ZNF599: variants seen among roughly 807,000 people sequenced by gnomAD.
ZNF599 encodes zinc finger protein 599.
A neutral mutation model predicts 11.7 loss-of-function variants in ZNF599; 10 were observed. The observed-to-expected ratio is 0.86, with a 90% CI of 0.53 to 1.45. The LOEUF is 1.45. ZNF599 is among the 40% of genes most tolerant of loss of function. The pLI is 0.00. For missense variants in ZNF599, 688 were observed against 713.6 expected, an observed-to-expected ratio of 0.96 and a Z score of 0.41; for synonymous variants, 232 against 253.2, an observed-to-expected ratio of 0.92 and a Z score of 0.79.
At chr19:34,804,801 A>C in the ZNF599 span, among the ~76,000 whole-genome samples, 5 of 152,356 alleles carry the variant, frequency 3.3e-5, no homozygotes, top group South Asian at 1.0e-3. Context: ...AAGAAAAAGC[A>C]GATAAGCTCC....
the ZNF599 span, chr19:34,779,913 G>A: frequency 6.3e-6 from 1 of 158,720 alleles, no homozygotes. Context: ...GCTGCACATG[G>A]TATGCTCTTC....
chr19:34,772,903 C>G lies in ZNF599; in HGVS notation c.-62G>C. The G allele has an allele frequency of 7.1e-7, 1 of 1,402,546 alleles. No homozygotes were observed. The highest frequency in any genetic ancestry group is 9.2e-7 in the Non-Finnish European group (1 of 1,084,088). 86.9% of individuals were successfully genotyped at this position (1,402,546 alleles called of 1,614,324 possible). ...GAGGAAGCCGGTCCTGCGGGCTCGG[C>G]CGACCCCGGGCTCCGGCTCTGGGCT... On this transcript the variant is annotated 5_prime_UTR_variant, in exon 1 of 4. Transcript: ENST00000329285.
At chr19:34,776,385 G>A (rs1223642956), upstream of ZNF599, among the ~76,000 whole-genome samples, 2 of 152,120 alleles carry the variant, frequency 1.3e-5, no homozygotes, top group Non-Finnish European at 2.9e-5. Context: ...TTAAGTTAAT[G>A]GGTTTGATTA....
the ZNF599 span, among the ~76,000 whole-genome samples, chr19:34,791,387 T>G: frequency 6.6e-6 from 1 of 152,244 alleles, no homozygotes; most frequent in Non-Finnish European, 1.5e-5. Flanking sequence ...AACTGTGTGG[T>G]GCAGAGCTCC....
the ZNF599 span, among the ~76,000 whole-genome samples, chr19:34,780,551 G>T: frequency 6.7e-6 from 1 of 149,176 alleles, no homozygotes; most frequent in Admixed American, 6.8e-5. Flanking sequence ...AAGGAAGGAA[G>T]GAGAGAGACA....
chr19:34,778,394 A>C, the ZNF599 span, among the ~76,000 whole-genome samples: 1 of 152,024 alleles, frequency 6.6e-6, no homozygotes, highest in African/African-American at 2.4e-5. Flanking sequence ...AAAGATCAAA[A>C]TGGAAATCGA....
chr19:34,773,773 A>G (rs2069201993), upstream of ZNF599, among the ~76,000 whole-genome samples: 1 of 151,758 alleles, frequency 6.6e-6, no homozygotes, highest in Non-Finnish European at 1.5e-5. Flanking sequence ...TGAGAACCAG[A>G]CTCTTTAAAT....
chr19:34,761,501 T>A (rs1005203017), intron 3 of ZNF599, among the ~76,000 whole-genome samples: 17 of 152,126 alleles, frequency 1.1e-4, no homozygotes, highest in African/African-American at 4.1e-4. Flanking sequence ...CTCTGAAGAA[T>A]AAAGCAGGGG....
intron 1 of ZNF599, among the ~76,000 whole-genome samples, chr19:34,771,204 T>C (rs977784799): frequency 8.5e-5 from 13 of 152,126 alleles, no homozygotes; most frequent in Non-Finnish European, 1.6e-4. Flanking sequence ...TGAGCTGCGA[T>C]GGGGCCACTG....
At chr19:34,768,888 G>A (rs1435721189) in intron 2 of ZNF599, among the ~76,000 whole-genome samples, 9 of 152,204 alleles carry the variant, frequency 5.9e-5, no homozygotes, top group African/African-American at 1.9e-4. Context: ...GAATGTGTCT[G>A]TGCTCCCTTT....
chr19:34,772,844 GC>G lies in ZNF599; in HGVS notation c.-4del. The G allele has an allele frequency of 1.3e-6, 2 of 1,511,210 alleles. No individual in the cohort carries two copies. Among genetic ancestry groups the G allele is most frequent in the Non-Finnish European group, 1.8e-6 (2 of 1,133,784 alleles). The allele number at this position is 1,511,210 out of a possible 1,614,324, so 93.6% of individuals were successfully genotyped here. A position where few individuals can be genotyped will look rare whatever the true frequency, so the allele number is the denominator to read the frequency against. On this transcript the variant is annotated 5_prime_UTR_variant, in exon 1 of 4. Transcript: ENST00000329285. ...CTCACCAACGCCGGCGCCGCCATGG[GC>G]CCAGGGGGCTGGGTGAGGCCGTGAG...
At chr19:34,781,263 GAA>G in the ZNF599 span, among the ~76,000 whole-genome samples, 3 of 151,698 alleles carry the variant, frequency 2.0e-5, no homozygotes, top group Non-Finnish European at 4.4e-5. Flanking sequence ...AAGAAACAAA[GAA>G]AGAGAGAAGA....
upstream of ZNF599, among the ~76,000 whole-genome samples, chr19:34,777,989 G>A (rs961778716): frequency 2.0e-5 from 3 of 152,060 alleles, no homozygotes; most frequent in Non-Finnish European, 4.4e-5. Flanking sequence ...AGTAAAAGGG[G>A]GGGAGGGGAG....
chr19:34,800,875 G>A, the ZNF599 span, among the ~76,000 whole-genome samples: 17 of 152,238 alleles, frequency 1.1e-4, no homozygotes, highest in African/African-American at 3.6e-4. Context: ...GATTACAGGC[G>A]TGAGACACCA....
upstream of ZNF599, among the ~76,000 whole-genome samples, chr19:34,774,693 G>A (rs182755693): frequency 1.6e-3 from 242 of 152,282 alleles, no homozygotes; most frequent in African/African-American, 5.5e-3. Context: ...TTAGTCATCA[G>A]ATTTCCATTC....
chr19:34,794,288 T>A, the ZNF599 span, among the ~76,000 whole-genome samples: 1 of 152,144 alleles, frequency 6.6e-6, no homozygotes, highest in Non-Finnish European at 1.5e-5. Context: ...CAAACCATAT[T>A]ACTGTATAAG....
At chr19:34,786,059 G>A in the ZNF599 span, among the ~76,000 whole-genome samples, 299 of 152,170 alleles carry the variant, frequency 2.0e-3, 1 homozygote, top group African/African-American at 6.7e-3. Flanking sequence ...TAATGCAAAG[G>A]GGTGGAGGTA....
chr19:34,787,434 T>A, the ZNF599 span, among the ~76,000 whole-genome samples: 1 of 152,210 alleles, frequency 6.6e-6, no homozygotes, highest in African/African-American at 2.4e-5. Context: ...ATAACACTAT[T>A]TGGCTCCTTT....
At chr19:34,801,082 T>C in the ZNF599 span, among the ~76,000 whole-genome samples, 3 of 152,232 alleles carry the variant, frequency 2.0e-5, no homozygotes, top group Admixed American at 1.3e-4. Context: ...ACCTTCTCCA[T>C]ATCACAGTCA....
Sources: allele counts gnomAD v4.1 joint callset (sites outside exome capture counted in the v4.1 genomes callset), GRCh38; gene constraint gnomAD v4.1.1; transcripts MANE v1.5; gene names NCBI Gene and HGNC (gene_info 2026-07-23, HGNC 2026-07-21).